HOOK1: variants seen among roughly 807,000 people sequenced by gnomAD.
HOOK1 encodes the protein protein Hook homolog 1.
Under a neutral mutation model 112.8 loss-of-function variants are expected in HOOK1, and 60 were observed. The observed-to-expected ratio is 0.53, with a 90% CI of 0.43 to 0.66. The LOEUF (loss-of-function observed/expected upper bound fraction) is 0.66. Among genes scored for constraint, HOOK1 ranks in the 30% least tolerant of loss-of-function variants. The pLI is 0.00. For synonymous variants in HOOK1, 294 were observed against 283.8 expected, an observed-to-expected ratio of 1.04 and a Z score of -0.36; for missense variants, 770 against 856.0, an observed-to-expected ratio of 0.90 and a Z score of 1.25.
At chr1:59,862,361 A>C (rs1402590146) in intron 15 of HOOK1, among the ~76,000 whole-genome samples, 1 of 152,182 alleles carries the variant, frequency 6.6e-6, no homozygotes, top group African/African-American at 2.4e-5. Context: ...AAATTTAAAA[A>C]AACTTGTGGA....
intron 12 of HOOK1, among the ~76,000 whole-genome samples, chr1:59,855,909 G>A (rs1036607617): frequency 3.1e-4 from 44 of 141,146 alleles, no homozygotes; most frequent in African/African-American, 1.2e-3. Context: ...TAGTAGTTGG[G>A]ACTATAAGCA....
intron 18 of HOOK1, 68 bp from the exon 19 acceptor site, chr1:59,865,804 G>C (rs1469950429): frequency 1.7e-6 from 1 of 580,118 alleles, no homozygotes; most frequent in East Asian, 3.4e-5. Flanking sequence ...TTTTATGTGA[G>C]GATGAAGTAT....
intron 9 of HOOK1, among the ~76,000 whole-genome samples, chr1:59,845,453 T>C (rs540670323): frequency 1.6e-4 from 24 of 152,102 alleles, no homozygotes; most frequent in African/African-American, 5.8e-4. Context: ...TTCCTGGTCT[T>C]AGAGGGATCA....
At chr1:59,830,773 T>C (rs530442479) in intron 3 of HOOK1, among the ~76,000 whole-genome samples, 2 of 152,252 alleles carry the variant, frequency 1.3e-5, no homozygotes, top group African/African-American at 2.4e-5. Flanking sequence ...TCTGAACCCA[T>C]GTGTATTGAC....
chr1:59,815,428 C>T, intron 1 of HOOK1: 1 of 549,104 alleles, frequency 1.8e-6, no homozygotes, highest in Middle Eastern at 4.8e-4. Flanking sequence ...GCTCTGGTCT[C>T]AACCAGAGGA....
At chr1:59,870,473 C>G (rs539288767) in intron 20 of HOOK1, among the ~76,000 whole-genome samples, 66 of 152,188 alleles carry the variant, frequency 4.3e-4, no homozygotes, top group African/African-American at 1.4e-3. Flanking sequence ...TCATGAACAT[C>G]CTATGTATCA....
intron 7 of HOOK1, among the ~76,000 whole-genome samples, chr1:59,839,761 T>C (rs913240109): frequency 3.9e-5 from 6 of 152,198 alleles, no homozygotes; most frequent in African/African-American, 1.4e-4. Context: ...CATCCTTGTC[T>C]TGTGCCAGTT....
chr1:59,833,224 C>T (rs1193534103), intron 4 of HOOK1, among the ~76,000 whole-genome samples, 181 bp from the exon 5 acceptor site: 1 of 152,104 alleles, frequency 6.6e-6, no homozygotes, highest in Non-Finnish European at 1.5e-5. Flanking sequence ...TGGTTGGTTA[C>T]TCAGAATTTT....
intron 20 of HOOK1, among the ~76,000 whole-genome samples, chr1:59,868,726 A>G (rs1287579585): frequency 6.6e-6 from 1 of 152,240 alleles, no homozygotes; most frequent in Non-Finnish European, 1.5e-5. Context: ...GATTCAGTCA[A>G]TCACATTTTT....
At chr1:59,842,057 C>A (rs2098401286) in intron 8 of HOOK1, among the ~76,000 whole-genome samples, 1 of 152,238 alleles carries the variant, frequency 6.6e-6, no homozygotes, top group Admixed American at 6.6e-5. Context: ...TGGATAGGAG[C>A]AAGATTGGTT....
At chr1:59,815,327 A>G in intron 1 of HOOK1, 147 bp downstream of exon 1, 2 of 723,426 alleles carry the variant, frequency 2.8e-6, no homozygotes, top group Non-Finnish European at 4.4e-6. Flanking sequence ...GACCGAGAGA[A>G]TGCCACCTGC....
intron 1 of HOOK1, among the ~76,000 whole-genome samples, chr1:59,815,525 A>G (rs1217977899): frequency 6.6e-6 from 1 of 150,996 alleles, no homozygotes; most frequent in Non-Finnish European, 1.5e-5. Context: ...CTCCCCCTGA[A>G]CAGCGCCCGA....
intron 10 of HOOK1, among the ~76,000 whole-genome samples, chr1:59,847,530 G>C (rs769620682): frequency 6.6e-6 from 1 of 151,532 alleles, no homozygotes; most frequent in East Asian, 1.9e-4. Flanking sequence ...AAATTTTTGT[G>C]TAAGGAAATG....
chr1:59,863,793 CT>C (rs10706548), intron 16 of HOOK1: 791,545 of 798,826 alleles, frequency 0.99, 392,132 homozygotes, highest in Admixed American at 1. Context: ...ATATTATTTT[CT>C]TTTTTTTTTC....
chr1:59,839,739 G>A (rs1411290012), intron 7 of HOOK1, among the ~76,000 whole-genome samples: 4 of 152,132 alleles, frequency 2.6e-5, no homozygotes, highest in Non-Finnish European at 4.4e-5. Context: ...GAATAGGAGC[G>A]GTGAGAGAGG....
chr1:59,850,575 G>C (rs920304816), intron 12 of HOOK1, among the ~76,000 whole-genome samples: 1 of 151,388 alleles, frequency 6.6e-6, no homozygotes, highest in Admixed American at 6.6e-5. Context: ...TCTTTTGTAT[G>C]TTGATATCCA....
Position 59,830,782 on chromosome 1 carries a change from A to T in HOOK1, c.223-1381A>T, listed in dbSNP as rs2098393312. 2.0e-5 allele frequency among the ~76,000 whole-genome samples: 3 copies of T among 151,766 alleles called. No homozygotes were observed. The South Asian group carries it at 6.2e-4, about 32-fold the overall frequency. On this transcript the variant is annotated intron_variant, in intron 3 of 21. Coordinates refer to ENST00000371208, the MANE Select transcript of HOOK1 (RefSeq NM_015888.6). ...TTCATTTCTGAACCCATGTGTATTG[A>T]CTGAGTTTTCTCCTAATTTTGGTTC...
intron 16 of HOOK1, 65 bp from the exon 17 acceptor site, chr1:59,864,567 G>A (rs924364364): frequency 2.0e-6 from 2 of 991,320 alleles, no homozygotes; most frequent in Admixed American, 1.9e-5. Flanking sequence ...AAGAGATTTC[G>A]ATGTCTGGAA....
At chr1:59,853,161 G>T (rs1009334166) in intron 12 of HOOK1, among the ~76,000 whole-genome samples, 1 of 152,030 alleles carries the variant, frequency 6.6e-6, no homozygotes, top group African/African-American at 2.4e-5. Flanking sequence ...TATTGTTCAA[G>T]TATTCTACCT....
Sources: gnomAD v4.1 joint callset for allele counts (sites outside exome capture counted in the v4.1 genomes callset) on GRCh38, gnomAD v4.1.1 for gene constraint, MANE v1.5 for transcripts, NCBI Gene and HGNC (gene_info 2026-07-23, HGNC 2026-07-21) for gene names.